The following ABR variants were observed in gnomAD, a reference collection of about 807,000 sequenced individuals.
ABR encodes ABR activator of RhoGEF and GTPase.
A neutral mutation model predicts 107.2 loss-of-function variants in ABR; 35 were observed. The observed-to-expected ratio is 0.33, with a 90% CI of 0.25 to 0.43. ABR has a LOEUF of 0.43. ABR is among the 20% of genes least tolerant of loss of function. The pLI is 1.00. For missense variants in ABR, 815 were observed against 1,115.2 expected (o/e 0.73, Z 3.83); for synonymous variants, 498 against 462.0 (o/e 1.08, Z -1.00).
intron 2 of ABR, among the ~76,000 whole-genome samples, chr17:1,124,256 G>A (rs998148722): frequency 6.6e-6 from 1 of 152,184 alleles, no homozygotes. Context: ...ACTAGCCCCT[G>A]GAGGAAGAAG....
At position 1,005,522 on chromosome 17, in the gene ABR, GC is replaced by G; in HGVS notation, c.*557del. ...ACCACTGCTGCCGCGGCAACCCAGGGCCTCTTCAGAGCTTTCAAGGCGATGG... is the reference window on the plus strand; with the variant it reads ...ACCACTGCTGCCGCGGCAACCCAGGGCTCTTCAGAGCTTTCAAGGCGATGG... On this transcript the variant is annotated 3_prime_UTR_variant, in exon 23 of 23. Coordinates refer to ENST00000302538, the MANE Select transcript of ABR (RefSeq NM_021962.5). 1 of 212,316 alleles carries G rather than the reference GC, an allele frequency of 4.7e-6. No individual in the cohort carries two copies. Among genetic ancestry groups the G allele is most frequent in the Non-Finnish European group, 9.2e-6 (1 of 108,220 alleles). 13.2% of individuals were successfully genotyped at this position (212,316 alleles called of 1,614,324 possible).
intron 1 of ABR, among the ~76,000 whole-genome samples, chr17:1,166,140 C>T (rs1489807440): frequency 1.3e-5 from 2 of 151,734 alleles, no homozygotes. Context: ...AGTTTCACTT[C>T]GGTCATTCTC....
rs1480433584 is a variant in ABR, at chr17:1,179,242, CA to C, written c.61+424del. ...AAACTCGGGTGCCAACGACTGCTCC[CA>C]AAACGGCCTTTCGGCTTCAGCCTGG... is the stretch of plus-strand genomic sequence containing the variant. On this transcript the variant is annotated intron_variant, in intron 1 of 22. Coordinates refer to ENST00000302538, the MANE Select transcript of ABR (RefSeq NM_021962.5). The surrounding 1 kb of genome is among the most constrained non-coding windows in gnomAD (Gnocchi z 4.9). 3.3e-5 allele frequency among the ~76,000 whole-genome samples: 5 copies of C among 151,988 alleles called. No homozygotes were observed. The highest frequency in any genetic ancestry group is 1.2e-4 in the African/African-American group (5 of 41,398).
chr17:1,178,301 C>T (rs1188207524), intron 1 of ABR, among the ~76,000 whole-genome samples: 10 of 151,920 alleles, frequency 6.6e-5, no homozygotes, highest in African/African-American at 2.2e-4. Flanking sequence ...TGTTGGCTCA[C>T]GCCTGTAATC....
intron 1 of ABR, chr17:1,186,783 C>T (rs2042308460): frequency 1.3e-5 from 2 of 152,402 alleles, no homozygotes; most frequent in Admixed American, 6.5e-5. Flanking sequence ...CCTGGAGCCC[C>T]CTACTCATTT....
chr17:1,178,575 AAAAAG>A (rs1485248595), intron 1 of ABR, among the ~76,000 whole-genome samples: 17 of 141,626 alleles, frequency 1.2e-4, no homozygotes, highest in African/African-American at 3.2e-4. Context: ...AAAAAAAAAA[AAAAAG>A]AAAGAAAACG....
rs891001293 is a variant in ABR, at chr17:1,010,835, A to G, written c.2130T>C (p.Ser710=). The change falls in exon 20 of 23, where the codon AGT becomes AGC. Residue 710 remains serine, a synonymous_variant. Transcript: ENST00000302538. This position sits in a 1 kb window ranked among gnomAD's most constrained non-coding sequence, Gnocchi z 4.1. ...ANNKDILLML[S]DMDINAIAGT... is the part of the protein sequence containing the mutation. ...CGGCGATGGCGTTGATGTCCATGTCACTCAGCATCAGCAGGATGTCCTTGT... is the reference window on the plus strand; with the variant it reads ...CGGCGATGGCGTTGATGTCCATGTCGCTCAGCATCAGCAGGATGTCCTTGT... 1.2e-6 allele frequency: 2 copies of G among 1,613,620 alleles called. No individual in the cohort carries two copies. The highest frequency in any genetic ancestry group is 2.7e-5 in the African/African-American group (2 of 74,844).
At chr17:1,188,460 G>A (rs1439282806), upstream of ABR, among the ~76,000 whole-genome samples, 1 of 151,788 alleles carries the variant, frequency 6.6e-6, no homozygotes, top group Non-Finnish European at 1.5e-5. Flanking sequence ...TGAGGCAGGA[G>A]AATCGCTTGA....
rs892310561 is a variant in ABR, at chr17:1,027,531, A to G, written c.1792-14367T>C. ...CTGGCAGAGAGATCAGAGAGTACTCATGAGGCCCCAGCAGTGAGGTCTGCC... is the reference window on the plus strand; with the variant it reads ...CTGGCAGAGAGATCAGAGAGTACTCGTGAGGCCCCAGCAGTGAGGTCTGCC... On this transcript the variant is annotated intron_variant, in intron 16 of 22. Coordinates refer to ENST00000302538, the MANE Select transcript of ABR (RefSeq NM_021962.5). This position sits in a 1 kb window ranked among gnomAD's most constrained non-coding sequence, Gnocchi z 4.7. Among the ~76,000 whole-genome samples, 4 of 152,162 alleles carry G rather than the reference A, an allele frequency of 2.6e-5. No individual in the cohort carries two copies. Among genetic ancestry groups the G allele is most frequent in the Non-Finnish European group, 4.4e-5 (3 of 68,026 alleles).
chr17:1,036,097 G>A (rs1005569959), intron 16 of ABR, among the ~76,000 whole-genome samples: 6 of 152,070 alleles, frequency 3.9e-5, no homozygotes, highest in African/African-American at 9.7e-5. Flanking sequence ...TGCAGCTGCC[G>A]CTTTCCTGGA....
Position 1,050,427 on chromosome 17 carries a change from G to C in ABR, c.1659+110C>G. 1 of 1,097,120 alleles carries C rather than the reference G, an allele frequency of 9.1e-7. No homozygotes were observed. Among genetic ancestry groups the C allele is most frequent in the East Asian group, 2.4e-5 (1 of 41,990 alleles). The allele number at this position is 1,097,120 out of a possible 1,614,324, so 68.0% of individuals were successfully genotyped here. On this transcript the variant is annotated intron_variant, in intron 15 of 22. Transcript: ENST00000302538. The surrounding 1 kb of genome is among the most constrained non-coding windows in gnomAD (Gnocchi z 4.6). ...AAGCCAGAGGAGCAGGGAGCAGAAAGGGGGGTGCAGACATAGCTGGTCCAA... is the reference window on the plus strand; with the variant it reads ...AAGCCAGAGGAGCAGGGAGCAGAAACGGGGGTGCAGACATAGCTGGTCCAA...
At chr17:1,035,204 C>T (rs927276446) in intron 16 of ABR, among the ~76,000 whole-genome samples, 1 of 151,622 alleles carries the variant, frequency 6.6e-6, no homozygotes, top group African/African-American at 2.4e-5. Context: ...CCAGCAAAAG[C>T]AGAAGTCTGA....
rs111356045 is a variant in ABR, at chr17:1,117,822, G to A, written c.246+7361C>T. 8.7e-5 allele frequency among the ~76,000 whole-genome samples: 7 copies of A among 80,376 alleles called. 2 individuals are homozygous for A. Among genetic ancestry groups the A allele is most frequent in the South Asian group, 3.8e-4 (1 of 2,598 alleles). 52.7% of individuals were successfully genotyped at this position (80,376 alleles called of 152,430 possible). A position where few individuals can be genotyped will look rare whatever the true frequency, so the allele number is the denominator to read the frequency against. On this transcript the variant is annotated intron_variant, in intron 2 of 22. Coordinates refer to ENST00000302538, the MANE Select transcript of ABR (RefSeq NM_021962.5). ...ATCCCTGAGCCTGAGTCCTCCCAGC[G>A]TTATCCCTGAGCCTGAGTCCCTCCC...
chr17:1,046,130 C>T (rs368705558), intron 16 of ABR, among the ~76,000 whole-genome samples: 150 of 152,282 alleles, frequency 9.9e-4, no homozygotes, highest in East Asian at 4.1e-3. Context: ...CCTGGCCTCC[C>T]GAAGTGCTGG....
chr17:1,074,406 A>C (rs1356793314), intron 6 of ABR, among the ~76,000 whole-genome samples: 1 of 151,088 alleles, frequency 6.6e-6, no homozygotes, highest in African/African-American at 2.4e-5. Flanking sequence ...TGCCACACGC[A>C]GAACCCCAGA....
In ABR at chr17:1,109,189, G is replaced by A. The variant is rs1429751679; in HGVS notation, c.247-8454C>T. The A allele has an allele frequency of 4.5e-6, 6 of 1,318,964 alleles. No individual in the cohort carries two copies. The African/African-American group carries it at 9.4e-5, about 21-fold the overall frequency. The allele number at this position is 1,318,964 out of a possible 1,614,324, so 81.7% of individuals were successfully genotyped here. Reference sequence around the variant, plus strand: ...GGTCTACACCCGCGCGCCCGGCCTGGGGCTCCCGACCCGGGACTGCATCCC... The same window carrying A: ...GGTCTACACCCGCGCGCCCGGCCTGAGGCTCCCGACCCGGGACTGCATCCC... On this transcript the variant is annotated intron_variant, in intron 2 of 22. Transcript: ENST00000302538.
rs187498540 is a variant in ABR at position 1,047,947 on chromosome 17, G to A, written c.1791+2103C>T. On this transcript the variant is annotated intron_variant, in intron 16 of 22. Transcript: ENST00000302538. ...CCGTGCCCACGGGGCTGGCTGCCCG[G>A]CACATCCTTGTAACTCTTCTATTCC... Among the ~76,000 whole-genome samples, 633 of 152,330 alleles carry A rather than the reference G, an allele frequency of 4.2e-3. 6 individuals are homozygous for A. The highest frequency in any genetic ancestry group is 0.014 in the African/African-American group (593 of 41,578).
intron 14 of ABR, 165 bp downstream of exon 14, chr17:1,055,870 T>G: frequency 1.6e-6 from 1 of 627,676 alleles, no homozygotes; most frequent in South Asian, 2.0e-5. Flanking sequence ...GAAAGAGGAC[T>G]TTGGAGACAA....
At chr17:1,097,017 C>T (rs1424624262) in intron 3 of ABR, among the ~76,000 whole-genome samples, 2 of 152,004 alleles carry the variant, frequency 1.3e-5, no homozygotes, top group African/African-American at 2.4e-5. Context: ...GGGGAACCTG[C>T]GCCAGGCATA....
Sources: gnomAD v4.1 joint callset for allele counts (sites outside exome capture counted in the v4.1 genomes callset) on GRCh38, gnomAD v4.1.1 for gene constraint, Gnocchi (gnomAD v3.1) non-coding constraint, MANE v1.5 for transcripts, NCBI Gene and HGNC (gene_info 2026-07-23, HGNC 2026-07-21) for gene names.